Variants in ENPP2 observed in about 807,000 individuals in gnomAD.
ENPP2 encodes the protein ectonucleotide pyrophosphatase/phosphodiesterase 2.
Under a neutral mutation model 120.2 loss-of-function variants are expected in ENPP2, and 51 were observed. That is an observed-to-expected ratio of 0.42 (90% CI 0.34 to 0.54). The LOEUF (loss-of-function observed/expected upper bound fraction) is 0.54, where lower values mean the gene tolerates loss of function less well. Ranked by LOEUF, ENPP2 falls within the 20% of genes least tolerant of loss-of-function variation. The probability of loss-of-function intolerance (pLI) is 0.04; values close to 1 mark genes in which losing one functional copy is unlikely to be tolerated. For synonymous variants in ENPP2, 365 were observed against 366.4 expected (o/e 1.00, Z 0.04); for missense variants, 920 against 1,066.5 (o/e 0.86, Z 1.91).
At chr8:119,577,052 C>T (rs559978193) in intron 19 of ENPP2, among the ~76,000 whole-genome samples, 1 of 152,236 alleles carries the variant, frequency 6.6e-6, no homozygotes, top group South Asian at 2.1e-4. Flanking sequence ...GCAGCTTTTA[C>T]TCATGTATTT....
intron 1 of ENPP2, among the ~76,000 whole-genome samples, chr8:119,647,067 G>A (rs892398204): frequency 1.1e-4 from 16 of 148,614 alleles, no homozygotes; most frequent in African/African-American, 3.7e-4. Flanking sequence ...GCACAATCTT[G>A]GCTCACTGCA....
intron 19 of ENPP2, 91 bp from the exon 20 acceptor site, chr8:119,570,932 ATGG>A: frequency 1.3e-6 from 1 of 785,252 alleles, no homozygotes; most frequent in Non-Finnish European, 1.9e-6. Context: ...GTTACCTAAA[ATGG>A]CTAGCTTACT....
chr8:119,626,490 C>T, intron 3 of ENPP2, 75 bp downstream of exon 3: 1 of 1,268,670 alleles, frequency 7.9e-7, no homozygotes, highest in South Asian at 1.3e-5. Context: ...AGGGTGGCCA[C>T]TCCAGGATGC....
At chr8:119,667,180 AT>A (rs1009333367) in intron 1 of ENPP2, among the ~76,000 whole-genome samples, 9 of 152,184 alleles carry the variant, frequency 5.9e-5, no homozygotes, top group African/African-American at 2.2e-4. Flanking sequence ...GATGCCTTAA[AT>A]ACCAAGCTCA....
At chr8:119,664,683 T>G (rs1818019932) in intron 1 of ENPP2, among the ~76,000 whole-genome samples, 1 of 152,180 alleles carries the variant, frequency 6.6e-6, no homozygotes, top group South Asian at 2.1e-4. Flanking sequence ...GGCTCACACC[T>G]GTTACCCCAG....
At chr8:119,623,660 C>T (rs914141661) in intron 3 of ENPP2, among the ~76,000 whole-genome samples, 2 of 152,088 alleles carry the variant, frequency 1.3e-5, no homozygotes, top group African/African-American at 2.4e-5. Context: ...GAGTCTCACT[C>T]TGTCGCCTGG....
rs370426007 is a variant in ENPP2 at position 119,617,533 on chromosome 8, G to A, written c.510C>T (p.Ser170=). 32 of 1,613,376 alleles carry A rather than the reference G, an allele frequency of 2.0e-5. No homozygotes were observed. The highest frequency in any genetic ancestry group is 2.5e-5 in the Non-Finnish European group (30 of 1,179,608). ...TGTATGATGCACGGAAGCCATCCAC[G>A]GAGAAGATGATTAATGGAGGGCGAA... The part of the protein sequence containing the change: ...GFVRPPLIIF[S]VDGFRASYMK... The change falls in exon 6 of 25, where the codon TCC becomes TCT. Residue 170 remains serine, a synonymous_variant. Transcript: ENST00000075322.
chr8:119,591,082 C>T (rs1813475968), intron 12 of ENPP2, among the ~76,000 whole-genome samples: 4 of 150,164 alleles, frequency 2.7e-5, no homozygotes. Flanking sequence ...TTCTGTGTCT[C>T]TTTTACAAAA....
chr8:119,628,221 T>C, intron 2 of ENPP2, among the ~76,000 whole-genome samples: 1 of 152,132 alleles, frequency 6.6e-6, no homozygotes, highest in East Asian at 1.9e-4. Flanking sequence ...ATAATTAAGT[T>C]AGGGTCTCAT....
intron 2 of ENPP2, 116 bp downstream of exon 2, chr8:119,638,309 T>C: frequency 1.6e-6 from 1 of 607,008 alleles, no homozygotes; most frequent in Non-Finnish European, 2.9e-6. Context: ...AATTTAGGAC[T>C]AACTTAGTTA....
At chr8:119,669,933 T>C (rs1296502667) in intron 1 of ENPP2, among the ~76,000 whole-genome samples, 1 of 152,230 alleles carries the variant, frequency 6.6e-6, no homozygotes, top group Non-Finnish European at 1.5e-5. Context: ...GCATCCCAAA[T>C]TCTCCATCAC....
chr8:119,557,442 G>T lies in ENPP2; in HGVS notation c.*79C>A. On this transcript the variant is annotated 3_prime_UTR_variant, in exon 25 of 25. Transcript: ENST00000075322. ...AAAATACTAACATTTTTAATGTCCT[G>T]GTTTCAAATTAATAAATACAAAAAC... The T allele has an allele frequency of 8.5e-7, 1 of 1,171,708 alleles. No homozygotes were observed. Among genetic ancestry groups the T allele is most frequent in the Non-Finnish European group, 1.2e-6 (1 of 821,976 alleles). The allele number at this position is 1,171,708 out of a possible 1,614,324, so 72.6% of individuals were successfully genotyped here.
chr8:119,559,789 C>T (rs1813769435), intron 24 of ENPP2, among the ~76,000 whole-genome samples: 1 of 152,194 alleles, frequency 6.6e-6, no homozygotes, highest in East Asian at 1.9e-4. Flanking sequence ...TCATTATGGA[C>T]ATTGATTCTT....
At chr8:119,665,926 T>C (rs1432229569) in intron 1 of ENPP2, among the ~76,000 whole-genome samples, 5 of 152,124 alleles carry the variant, frequency 3.3e-5, no homozygotes, top group Non-Finnish European at 7.4e-5. Flanking sequence ...TTTTGCAACA[T>C]CAAAAATGTG....
intron 12 of ENPP2, among the ~76,000 whole-genome samples, chr8:119,592,319 A>C (rs1029344064): frequency 2.0e-4 from 31 of 151,962 alleles, no homozygotes; most frequent in African/African-American, 7.5e-4. Flanking sequence ...CTAAAAATAC[A>C]AAATTTAGCC....
chr8:119,604,171 GTGCC>G (rs973325416), intron 9 of ENPP2, among the ~76,000 whole-genome samples: 1 of 152,022 alleles, frequency 6.6e-6, no homozygotes, highest in Non-Finnish European at 1.5e-5. Context: ...GGGATTAAAG[GTGCC>G]TGCCACCACG....
intron 24 of ENPP2, among the ~76,000 whole-genome samples, chr8:119,562,504 G>A (rs1814047577): frequency 6.6e-6 from 1 of 152,156 alleles, no homozygotes; most frequent in Non-Finnish European, 1.5e-5. Context: ...AAAATTCCAT[G>A]ACCTCTTACC....
At chr8:119,598,760 C>T (rs377479968) in intron 11 of ENPP2, among the ~76,000 whole-genome samples, 211 of 152,268 alleles carry the variant, frequency 1.4e-3, no homozygotes, top group African/African-American at 4.7e-3. Flanking sequence ...TAACTGACCA[C>T]TTTGCTTATC....
At chr8:119,635,445 C>G (rs1816941808) in intron 2 of ENPP2, among the ~76,000 whole-genome samples, 2 of 152,210 alleles carry the variant, frequency 1.3e-5, no homozygotes, top group African/African-American at 2.4e-5. Flanking sequence ...GTTTCTAAAT[C>G]ACAAGTTTCA....
Sources: allele counts gnomAD v4.1 joint callset (sites outside exome capture counted in the v4.1 genomes callset), GRCh38; gene constraint gnomAD v4.1.1; transcripts MANE v1.5; gene names NCBI Gene and HGNC (gene_info 2026-07-23, HGNC 2026-07-21).